The following MUC13 variants were observed in gnomAD, a reference collection of about 807,000 sequenced individuals.
The protein encoded by MUC13 is mucin-13.
In MUC13, 32 loss-of-function variants were observed where a neutral mutation model predicts 48.3. That is an observed-to-expected ratio of 0.66 (90% CI 0.50 to 0.89). MUC13 has a LOEUF of 0.89. MUC13 is among the 40% of genes least tolerant of loss of function. The probability of loss-of-function intolerance (pLI) is 0.00; values close to 1 mark genes in which losing one functional copy is unlikely to be tolerated. For missense variants in MUC13, 571 were observed against 622.8 expected, an observed-to-expected ratio of 0.92 and a Z score of 0.88; for synonymous variants, 199 against 224.9, an observed-to-expected ratio of 0.88 and a Z score of 1.03.
Position 124,916,391 on chromosome 3 carries a change from T to C in MUC13, c.890A>G (p.Asp297Gly). ...IVTILAETTS[D>G]NEKTVTEKIN... Reference sequence around the variant, plus strand: ...TTTCTCAGTCACAGTCTTCTCATTGTCACTTGTGGTTTCTGCCAAAATTGT... The same window carrying C: ...TTTCTCAGTCACAGTCTTCTCATTGCCACTTGTGGTTTCTGCCAAAATTGT... The change falls in exon 6 of 12, where the codon GAC becomes GGC. Residue 297 changes from aspartate (D) to glycine (G), a missense_variant. By Grantham distance (94) the Asp-to-Gly change is moderately conservative. Coordinates refer to ENST00000616727, the MANE Select transcript of MUC13 (RefSeq NM_033049.4). The C allele has an allele frequency of 6.2e-7, 1 of 1,613,836 alleles. No homozygotes were observed. Among genetic ancestry groups the C allele is most frequent in the Non-Finnish European group, 8.5e-7 (1 of 1,179,918 alleles).
Position 124,908,217 on chromosome 3 carries a change from G to T in MUC13, c.1469C>A (p.Thr490Lys). 3 of 1,614,128 alleles carry T rather than the reference G, an allele frequency of 1.9e-6. No individual in the cohort carries two copies. The highest frequency in any genetic ancestry group is 2.5e-6 in the Non-Finnish European group (3 of 1,180,028). ...EGSVFPKVRI[T>K]ASRDSQMQNP... ...TTGCATCTGGCTGTCTCTGGAGGCC[G>T]TTATCCTGACCTTAGGAAAGACGCT... Residue 490 changes from threonine to lysine, a missense_variant, in exon 11 of 12, where the codon ACG becomes AAG. Physicochemically the swap from Thr to Lys is moderately conservative, Grantham distance 78. Coordinates refer to ENST00000616727, the MANE Select transcript of MUC13 (RefSeq NM_033049.4).
At position 124,927,609 on chromosome 3, in the gene MUC13, G is replaced by A. The variant is rs757895069; in HGVS notation, c.437C>T (p.Pro146Leu). ...SETQSNNEMSPTTEDNQSSGP... is the reference protein window; with the variant it reads ...SETQSNNEMSLTTEDNQSSGP... ...TGATGATTGATTGTCTTCTGTGGTG[G>A]GGGACATTTCATTGTTACTTTGTGT... is the stretch of plus-strand genomic sequence containing the variant. The change falls in exon 2 of 12, where the codon CCC becomes CTC. Residue 146 changes from proline (P) to leucine (L), a missense_variant. Pro to Leu is a moderately conservative substitution (Grantham distance 98, BLOSUM62 -3). Coordinates refer to ENST00000616727, the MANE Select transcript of MUC13 (RefSeq NM_033049.4). The A allele has an allele frequency of 6.2e-6, 10 of 1,614,084 alleles. No homozygotes were observed. In the Admixed American group the frequency reaches 8.3e-5, roughly 13 times the overall value.
At chr3:124,923,286 A>T (rs1935632917) in intron 3 of MUC13, among the ~76,000 whole-genome samples, 1 of 152,190 alleles carries the variant, frequency 6.6e-6, no homozygotes, top group South Asian at 2.1e-4. Flanking sequence ...AAATCTTGTG[A>T]CACAGAACTG....
intron 1 of MUC13, among the ~76,000 whole-genome samples, chr3:124,930,401 GT>G (rs533697488): frequency 1.3e-5 from 2 of 151,820 alleles, no homozygotes; most frequent in Admixed American, 6.6e-5. Flanking sequence ...GTATATATGT[GT>G]TTTATCTGAG....
At chr3:124,933,476 C>A (rs188929461) in intron 1 of MUC13, among the ~76,000 whole-genome samples, 3 of 152,164 alleles carry the variant, frequency 2.0e-5, no homozygotes, top group Admixed American at 6.5e-5. Flanking sequence ...GAGAAGGAAA[C>A]CACCCCTGAG....
chr3:124,927,582 C>T lies in MUC13; in HGVS notation c.464G>A (p.Gly155Glu), dbSNP rs1221345618. The change falls in exon 2 of 12, where the codon GGG becomes GAG. Residue 155 changes from glycine to glutamate, a missense_variant. Coordinates refer to ENST00000616727, the MANE Select transcript of MUC13 (RefSeq NM_033049.4). ...CAATAAAGCGGTGCCAGTGGGAGGC[C>T]CTGATGATTGATTGTCTTCTGTGGT... ...SPTTEDNQSS[G>E]PPTGTALLET... 1.2e-6 allele frequency: 2 copies of T among 1,613,968 alleles called. No homozygotes were observed. The highest frequency in any genetic ancestry group is 4.5e-5 in the East Asian group (2 of 44,896).
intron 10 of MUC13, among the ~76,000 whole-genome samples, chr3:124,909,197 C>G (rs1383942687): frequency 6.6e-6 from 1 of 151,778 alleles, no homozygotes; most frequent in Non-Finnish European, 1.5e-5. Context: ...TTGTAGGAAC[C>G]TAAAATCTGT....
chr3:124,919,426 G>T (rs1315792460), intron 5 of MUC13, among the ~76,000 whole-genome samples: 2 of 118,318 alleles, frequency 1.7e-5, no homozygotes, highest in Admixed American at 9.8e-5. Flanking sequence ...CTGGCCTCAA[G>T]TGATCCTCCC....
chr3:124,907,213 C>T (rs754229676), intron 11 of MUC13, among the ~76,000 whole-genome samples: 9 of 152,216 alleles, frequency 5.9e-5, no homozygotes, highest in Non-Finnish European at 1.2e-4. Flanking sequence ...TCATTATTTG[C>T]CCAGGCTGGT....
intron 9 of MUC13, 35 bp from the exon 10 acceptor site, chr3:124,910,534 C>A (rs1274172420): frequency 1.2e-6 from 2 of 1,612,426 alleles, no homozygotes; most frequent in East Asian, 4.5e-5. Context: ...CAGTCTCCAA[C>A]AAGCTGGCCC....
intron 1 of MUC13, among the ~76,000 whole-genome samples, chr3:124,929,484 T>C (rs1401385086): frequency 1.3e-5 from 2 of 152,254 alleles, no homozygotes; most frequent in South Asian, 2.1e-4. Flanking sequence ...ATATGCTTCC[T>C]GATTCCCCGA....
rs1560001062 is a variant in MUC13 at position 124,927,634 on chromosome 3, T to C, written c.412A>G (p.Thr138Ala). The C allele has an allele frequency of 6.2e-7, 1 of 1,614,248 alleles. No homozygotes were observed. The highest frequency in any genetic ancestry group is 1.7e-5 in the Admixed American group (1 of 60,028). Residue 138 changes from threonine (T) to alanine (A), a missense_variant, in exon 2 of 12, where the codon ACA (threonine) becomes GCA (alanine). Physicochemically the swap from Thr to Ala is moderately conservative, Grantham distance 58. Coordinates refer to ENST00000616727, the MANE Select transcript of MUC13 (RefSeq NM_033049.4). The stretch of plus-strand genomic sequence containing the variant: ...GGGGACATTTCATTGTTACTTTGTG[T>C]TTCAGAAGGAACCATTGTGATTAAT... ...DGLITMVPSE[T>A]QSNNEMSPTT... is the part of the protein sequence containing the mutation.
intron 11 of MUC13, among the ~76,000 whole-genome samples, chr3:124,907,657 T>TATATAG (rs1409847467): frequency 7.0e-6 from 1 of 143,834 alleles, no homozygotes; most frequent in Non-Finnish European, 1.5e-5. Flanking sequence ...TATATATATA[T>TATATAG]AGAGAGAGAG....
intron 6 of MUC13, among the ~76,000 whole-genome samples, chr3:124,915,643 C>T (rs1348208840): frequency 3.9e-5 from 6 of 152,190 alleles, no homozygotes; most frequent in Non-Finnish European, 5.9e-5. Flanking sequence ...ACACAGCAAA[C>T]GCAAATTGCT....
At chr3:124,914,088 TA>T (rs1935470215) in intron 6 of MUC13, among the ~76,000 whole-genome samples, 1 of 151,706 alleles carries the variant, frequency 6.6e-6, no homozygotes, top group Admixed American at 6.6e-5. Context: ...AATAAAGAAA[TA>T]AAAATGGGTT....
intron 3 of MUC13, 68 bp downstream of exon 3, chr3:124,923,459 T>A (rs984009512): frequency 1.3e-6 from 2 of 1,530,228 alleles, no homozygotes; most frequent in Admixed American, 2.0e-5. Flanking sequence ...TGCCATCATT[T>A]TGAGTTTTCG....
At chr3:124,928,073 C>A in intron 1 of MUC13, 80 bp from the exon 2 acceptor site, 3 of 989,696 alleles carry the variant, frequency 3.0e-6, no homozygotes, top group South Asian at 1.8e-5. Flanking sequence ...AAATCATATC[C>A]AACTCATTCT....
At chr3:124,909,485 C>CATGTGTGT (rs372823172) in intron 10 of MUC13, among the ~76,000 whole-genome samples, 2,187 of 148,424 alleles carry the variant, frequency 0.015, 45 homozygotes, top group African/African-American at 0.043. Flanking sequence ...TGTGTGCTTG[C>CATGTGTGT]GTGTGTGTGT....
chr3:124,928,041 C>T (rs1935727548), intron 1 of MUC13, 48 bp from the exon 2 acceptor site: 2 of 1,200,210 alleles, frequency 1.7e-6, no homozygotes, highest in South Asian at 1.5e-5. Flanking sequence ...CATTGAATAA[C>T]TAATGGCAGT....
Sources: allele counts gnomAD v4.1 joint callset (sites outside exome capture counted in the v4.1 genomes callset), GRCh38; gene constraint gnomAD v4.1.1; transcripts MANE v1.5; gene names NCBI Gene and HGNC (gene_info 2026-07-23, HGNC 2026-07-21).